Variants in PCDH9 observed in about 807,000 individuals in gnomAD.
The protein encoded by PCDH9 is protocadherin 9.
Under a neutral mutation model 70.6 loss-of-function variants are expected in PCDH9, and 24 were observed. The ratio of observed to expected loss-of-function variants is 0.34; its 90% CI spans 0.25 to 0.48. The LOEUF is 0.48. Ranked by LOEUF, PCDH9 falls within the 20% of genes least tolerant of loss-of-function variation. The pLI is 0.99. For synonymous variants in PCDH9, 562 were observed against 558.5 expected (o/e 1.01, Z -0.09); for missense variants, 1,281 against 1,503.6 (o/e 0.85, Z 2.45).
chr13:66,879,982 G>A (rs541125387), intron 3 of PCDH9: 1 of 152,118 alleles, frequency 6.6e-6, no homozygotes, highest in South Asian at 2.1e-4. Context: ...ACAAATCCTG[G>A]AACCAACACA....
chr13:66,457,465 C>T (rs1175160496), intron 4 of PCDH9, among the ~76,000 whole-genome samples: 4 of 151,958 alleles, frequency 2.6e-5, no homozygotes, highest in Admixed American at 2.0e-4. Context: ...ATCAAGGAAA[C>T]CTACAAATAG....
At chr13:66,467,907 G>A (rs758669293) in intron 4 of PCDH9, among the ~76,000 whole-genome samples, 3 of 151,668 alleles carry the variant, frequency 2.0e-5, no homozygotes, top group Non-Finnish European at 2.9e-5. Flanking sequence ...CATTGAAACC[G>A]CTCTTGTCTA....
intron 3 of PCDH9, among the ~76,000 whole-genome samples, chr13:66,817,190 C>T (rs1015183633): frequency 1.3e-5 from 2 of 151,992 alleles, no homozygotes; most frequent in Middle Eastern, 3.2e-3. Flanking sequence ...CCTTGAGAAT[C>T]CTCAGATTTT....
intron 2 of PCDH9, among the ~76,000 whole-genome samples, chr13:67,010,786 T>C (rs2139840216): frequency 6.6e-6 from 1 of 152,122 alleles, no homozygotes; most frequent in East Asian, 1.9e-4. Flanking sequence ...AGAAAAGTAA[T>C]TCAAATTCAG....
chr13:66,831,879 C>A (rs1324187473), intron 3 of PCDH9, among the ~76,000 whole-genome samples: 1 of 66,894 alleles, frequency 1.5e-5, no homozygotes, highest in East Asian at 5.0e-4. Context: ...AATTACAAGT[C>A]ACAAGTGTAA....
chr13:66,990,837 T>G lies in PCDH9; in HGVS notation c.3037-87232A>C, dbSNP rs944510536. On this transcript the variant is annotated intron_variant, in intron 2 of 4. Transcript: ENST00000377865. ...TATATTTCCATCTTCCAACTCCTACTTATCCAAACTTTGACAAAAATGCTC... is the reference window on the plus strand; with the variant it reads ...TATATTTCCATCTTCCAACTCCTACGTATCCAAACTTTGACAAAAATGCTC... 10 of 151,938 alleles carry G rather than the reference T, an allele frequency of 6.6e-5. No individual in the cohort carries two copies. The East Asian group carries it at 1.9e-3, about 29-fold the overall frequency. 9.4% of individuals were successfully genotyped at this position (151,938 alleles called of 1,614,324 possible).
intron 3 of PCDH9, among the ~76,000 whole-genome samples, chr13:66,699,154 T>A (rs564525638): frequency 1.3e-5 from 2 of 152,162 alleles, no homozygotes; most frequent in Admixed American, 1.3e-4. Context: ...CCTTAAGTGA[T>A]CCTCCTTCGT....
chr13:67,129,602 C>G (rs2087060755), intron 2 of PCDH9, among the ~76,000 whole-genome samples: 1 of 150,228 alleles, frequency 6.7e-6, no homozygotes, highest in African/African-American at 2.4e-5. Flanking sequence ...ATCATATACT[C>G]TTCTCTAGAA....
At chr13:66,691,151 C>T (rs866256184) in intron 3 of PCDH9, among the ~76,000 whole-genome samples, 1 of 152,276 alleles carries the variant, frequency 6.6e-6, no homozygotes, top group Middle Eastern at 3.4e-3. Context: ...GATCCTCCCA[C>T]TCAGCCTCCC....
At chr13:67,114,976 C>T (rs530204519) in intron 2 of PCDH9, among the ~76,000 whole-genome samples, 29 of 152,218 alleles carry the variant, frequency 1.9e-4, no homozygotes, top group African/African-American at 5.5e-4. Context: ...GTGTTAGCTC[C>T]TATTCATTGT....
chr13:66,401,844 C>G (rs1046301296), intron 4 of PCDH9, among the ~76,000 whole-genome samples: 3 of 152,152 alleles, frequency 2.0e-5, no homozygotes, highest in Non-Finnish European at 4.4e-5. Flanking sequence ...GTGTTTATAA[C>G]TTATCATTTG....
At chr13:66,759,355 T>C (rs2079586490) in intron 3 of PCDH9, among the ~76,000 whole-genome samples, 1 of 152,112 alleles carries the variant, frequency 6.6e-6, no homozygotes, top group African/African-American at 2.4e-5. Context: ...TTCCATCCCT[T>C]GACTTTCAGT....
rs74095390 is a variant in PCDH9, at chr13:67,169,040, C to T, written c.3036+56365G>A. ...TATGTACTCTTCTCACTTACATATT[C>T]ATGGGACATCACAAATAAAATTGGA... On this transcript the variant is annotated intron_variant, in intron 2 of 4. Coordinates refer to ENST00000377865, the MANE Select transcript of PCDH9 (RefSeq NM_203487.3). Among the ~76,000 whole-genome samples, 1,020 of 152,298 alleles carry T rather than the reference C, an allele frequency of 6.7e-3. 13 individuals carry two copies. The highest frequency in any genetic ancestry group is 0.023 in the African/African-American group (961 of 41,558).
intron 2 of PCDH9, among the ~76,000 whole-genome samples, chr13:67,087,087 TAAAAAA>T (rs36017495): frequency 2.1e-4 from 26 of 123,760 alleles, no homozygotes; most frequent in Non-Finnish European, 2.7e-4. Context: ...TGATGTTTTG[TAAAAAA>T]AAAAAAAAAA....
intron 3 of PCDH9, among the ~76,000 whole-genome samples, chr13:66,725,977 A>C (rs893689457): frequency 2.0e-5 from 3 of 152,218 alleles, no homozygotes; most frequent in African/African-American, 7.2e-5. Flanking sequence ...TTTGCATTAA[A>C]AGTAATGCCA....
chr13:66,661,744 C>A (rs1474938216), intron 3 of PCDH9, among the ~76,000 whole-genome samples: 1 of 152,106 alleles, frequency 6.6e-6, no homozygotes, highest in East Asian at 1.9e-4. Context: ...AAATGTGGAG[C>A]AATGGAACTA....
intron 1 of PCDH9, among the ~76,000 whole-genome samples, chr13:67,229,347 G>A (rs2089957162): frequency 6.6e-6 from 1 of 152,168 alleles, no homozygotes; most frequent in Non-Finnish European, 1.5e-5. Flanking sequence ...TAAGTGAAAC[G>A]CAGCTAACAT....
Position 66,933,931 on chromosome 13 carries a change from A to G in PCDH9, c.3037-30326T>C, listed in dbSNP as rs116367657. Among the ~76,000 whole-genome samples the G allele has an allele frequency of 2.7e-3, 410 of 151,974 alleles. 3 individuals carry two copies. Among genetic ancestry groups the G allele is most frequent in the African/African-American group, 9.6e-3 (397 of 41,476 alleles). ...AAGGGGGCGGGGGGGCAAAAAAGAA[A>G]CATTGAGTTCCAACTAAAAGAAGAC... On this transcript the variant is annotated intron_variant, in intron 2 of 4. Transcript: ENST00000377865.
chr13:66,825,856 C>CA (rs1437521106), intron 3 of PCDH9, among the ~76,000 whole-genome samples: 1 of 152,032 alleles, frequency 6.6e-6, no homozygotes, highest in Non-Finnish European at 1.5e-5. Flanking sequence ...AAATAACTCA[C>CA]AAACTACATG....
Sources: allele counts gnomAD v4.1 joint callset (sites outside exome capture counted in the v4.1 genomes callset), GRCh38; gene constraint gnomAD v4.1.1; transcripts MANE v1.5; gene names NCBI Gene and HGNC (gene_info 2026-07-23, HGNC 2026-07-21).